Variants in PAK5 observed in about 807,000 individuals in gnomAD.
PAK5 encodes p21 (RAC1) activated kinase 5, also known as serine/threonine-protein kinase PAK 5.
Under a neutral mutation model 65.9 loss-of-function variants are expected in PAK5, and 16 were observed. The ratio of observed to expected loss-of-function variants is 0.24; its 90% confidence interval spans 0.16 to 0.37. The LOEUF (loss-of-function observed/expected upper bound fraction) is 0.37. Ranked by LOEUF, PAK5 falls within the 10% of genes least tolerant of loss-of-function variation. PAK5 has a pLI of 1.00. For synonymous variants in PAK5, 371 were observed against 354.9 expected (o/e 1.05, Z -0.51); for missense variants, 785 against 903.9 (o/e 0.87, Z 1.69).
intron 3 of PAK5, among the ~76,000 whole-genome samples, chr20:9,603,734 T>G (rs572529311): frequency 9.3e-4 from 141 of 152,278 alleles, no homozygotes; most frequent in African/African-American, 3.3e-3. Context: ...CCCTTTGAAG[T>G]GCCTGCTCTC....
intron 1 of PAK5, among the ~76,000 whole-genome samples, chr20:9,778,516 G>A (rs555269334): frequency 6.6e-6 from 1 of 152,320 alleles, no homozygotes; most frequent in African/African-American, 2.4e-5. Flanking sequence ...GGGATTACAG[G>A]TGTGAGTCAC....
chr20:9,795,091 A>G (rs1300777858), intron 1 of PAK5, among the ~76,000 whole-genome samples: 6 of 152,080 alleles, frequency 3.9e-5, no homozygotes, highest in African/African-American at 1.4e-4. Flanking sequence ...TAACTCATTA[A>G]CAAGAACCTT....
Position 9,537,775 on chromosome 20 carries a change from G to C in PAK5, c.*1687C>G. On this transcript the variant is annotated 3_prime_UTR_variant, in exon 10 of 10. Coordinates refer to ENST00000353224, the MANE Select transcript of PAK5 (RefSeq NM_177990.4). ...AATATTTTACATAAAACATTGATTT[G>C]CTGTTTTATGAAGCAAAATCATAGA... The C allele has an allele frequency of 4.5e-6, 1 of 221,454 alleles. No individual in the cohort carries two copies. The highest frequency in any genetic ancestry group is 9.0e-6 in the Non-Finnish European group (1 of 110,838). The allele number at this position is 221,454 out of a possible 1,614,324, so 13.7% of individuals were successfully genotyped here. A position where few individuals can be genotyped will look rare whatever the true frequency, so the allele number is the denominator to read the frequency against.
intron 3 of PAK5, among the ~76,000 whole-genome samples, chr20:9,585,056 T>A (rs2123039212): frequency 6.6e-6 from 1 of 152,352 alleles, no homozygotes; most frequent in South Asian, 2.1e-4. Flanking sequence ...CCAGACTTTC[T>A]CTGAACTTGA....
chr20:9,616,245 G>T (rs2123163548), intron 3 of PAK5, among the ~76,000 whole-genome samples: 1 of 152,312 alleles, frequency 6.6e-6, no homozygotes, highest in South Asian at 2.1e-4. Context: ...CAGTACACAT[G>T]TTAGCCCACA....
chr20:9,582,895 G>T (rs1158346004), intron 3 of PAK5, among the ~76,000 whole-genome samples: 1 of 151,984 alleles, frequency 6.6e-6, no homozygotes, highest in Non-Finnish European at 1.5e-5. Context: ...TTTGTCACTG[G>T]GAGTTCTCTC....
At position 9,590,609 on chromosome 20, in the gene PAK5, T is replaced by C. The variant is rs146243374; in HGVS notation, c.205-9679A>G. On this transcript the variant is annotated intron_variant, in intron 3 of 9. Coordinates refer to ENST00000353224, the MANE Select transcript of PAK5 (RefSeq NM_177990.4). ...GAAAACTCTGCTAGTATTTGATTCA[T>C]GGGCTGTGCCAAAAAAAAAAAAAAA... Among the ~76,000 whole-genome samples the C allele has an allele frequency of 2.2e-5, 3 of 136,936 alleles. No homozygotes were observed. The East Asian group carries it at 6.7e-4, about 30-fold the overall frequency. 89.8% of individuals were successfully genotyped at this position (136,936 alleles called of 152,430 possible). A position where few individuals can be genotyped will look rare whatever the true frequency, so the allele number is the denominator to read the frequency against.
chr20:9,568,023 G>A (rs956515296), intron 4 of PAK5, among the ~76,000 whole-genome samples: 1 of 152,204 alleles, frequency 6.6e-6, no homozygotes, highest in African/African-American at 2.4e-5. Flanking sequence ...GGCTTAGTTT[G>A]TGAGGAAGAG....
intron 1 of PAK5, among the ~76,000 whole-genome samples, chr20:9,731,164 T>C (rs1911065184): frequency 6.6e-6 from 1 of 152,160 alleles, no homozygotes; most frequent in South Asian, 2.1e-4. Flanking sequence ...CATAATAATA[T>C]AGAAGGTCTG....
At chr20:9,730,839 C>T (rs183475396) in intron 1 of PAK5, among the ~76,000 whole-genome samples, 294 of 152,324 alleles carry the variant, frequency 1.9e-3, no homozygotes, top group Non-Finnish European at 3.5e-3. Flanking sequence ...TATAAGGACT[C>T]AGCCTTATCT....
At chr20:9,648,598 T>C (rs2047164559) in intron 2 of PAK5, among the ~76,000 whole-genome samples, 1 of 152,188 alleles carries the variant, frequency 6.6e-6, no homozygotes, top group South Asian at 2.1e-4. Context: ...ATAGGCTTTT[T>C]TTCTAGGATA....
At chr20:9,561,698 G>A (rs1374247779) in intron 6 of PAK5, among the ~76,000 whole-genome samples, 1 of 152,064 alleles carries the variant, frequency 6.6e-6, no homozygotes, top group African/African-American at 2.4e-5. Context: ...TATGTACCTG[G>A]ATCCACTTTT....
intron 1 of PAK5, among the ~76,000 whole-genome samples, chr20:9,787,989 G>GT (rs1192329918): frequency 2.0e-5 from 3 of 151,206 alleles, no homozygotes; most frequent in East Asian, 1.9e-4. Flanking sequence ...GTGTTGGGGG[G>GT]GGTATGTGTG....
intron 1 of PAK5, among the ~76,000 whole-genome samples, chr20:9,760,206 A>T (rs1334454320): frequency 6.6e-6 from 1 of 152,226 alleles, no homozygotes; most frequent in Non-Finnish European, 1.5e-5. Context: ...GTCAAAAATT[A>T]GAGCCAAAAA....
chr20:9,601,794 C>A (rs1277951946), intron 3 of PAK5, among the ~76,000 whole-genome samples: 1 of 152,092 alleles, frequency 6.6e-6, no homozygotes, highest in African/African-American at 2.4e-5. Flanking sequence ...CTGACCTGGG[C>A]AGTTGCTGGT....
At position 9,684,873 on chromosome 20, in the gene PAK5, G is replaced by A. The variant is rs190130490; in HGVS notation, c.-12+26413C>T. On this transcript the variant is annotated intron_variant, in intron 2 of 9. Coordinates refer to ENST00000353224, the MANE Select transcript of PAK5 (RefSeq NM_177990.4). Reference sequence around the variant, plus strand: ...ACTGGGGATCTTTGGGGTGGAAGTGGGGAGTATGCCTGCCTTGGCAAATGT... The same window carrying A: ...ACTGGGGATCTTTGGGGTGGAAGTGAGGAGTATGCCTGCCTTGGCAAATGT... 5.0e-4 allele frequency among the ~76,000 whole-genome samples: 76 copies of A among 152,272 alleles called. 1 individual carries two copies. The South Asian group carries it at 7.9e-3, about 16-fold the overall frequency.
At chr20:9,625,279 CG>C (rs1454044289) in intron 3 of PAK5, among the ~76,000 whole-genome samples, 1 of 152,180 alleles carries the variant, frequency 6.6e-6, no homozygotes, top group Non-Finnish European at 1.5e-5. Context: ...ACTCTCTGCC[CG>C]GACACCCTCT....
At chr20:9,832,080 G>T (rs1978765747) in intron 1 of PAK5, among the ~76,000 whole-genome samples, 1 of 151,186 alleles carries the variant, frequency 6.6e-6, no homozygotes, top group African/African-American at 2.4e-5. Flanking sequence ...CTGTTATCTT[G>T]GGACCTTAAA....
At chr20:9,732,645 C>T (rs1445207239) in intron 1 of PAK5, among the ~76,000 whole-genome samples, 8 of 81,100 alleles carry the variant, frequency 9.9e-5, no homozygotes, top group East Asian at 6.8e-4. Context: ...CATACCCACA[C>T]ACTTCCCTTT....
Sources: gnomAD v4.1 joint callset for allele counts (sites outside exome capture counted in the v4.1 genomes callset) on GRCh38, gnomAD v4.1.1 for gene constraint, MANE v1.5 for transcripts, NCBI Gene and HGNC (gene_info 2026-07-23, HGNC 2026-07-21) for gene names.